TOP1: variants seen among roughly 807,000 people sequenced by gnomAD.
TOP1 encodes DNA topoisomerase 1.
TOP1 carries 10 observed loss-of-function variants against 111.1 expected under a neutral mutation model. That is an observed-to-expected ratio of 0.09 (90% confidence interval 0.06 to 0.15). The LOEUF is 0.15. Ranked by LOEUF, TOP1 falls within the 10% of genes least tolerant of loss-of-function variation. The probability of loss-of-function intolerance (pLI) is 1.00; values close to 1 mark genes in which losing one functional copy is unlikely to be tolerated. For missense variants in TOP1, 474 were observed against 926.7 expected, an observed-to-expected ratio of 0.51 and a Z score of 6.34; for synonymous variants, 271 against 302.9, an observed-to-expected ratio of 0.89 and a Z score of 1.10.
intron 13 of TOP1, among the ~76,000 whole-genome samples, chr20:41,107,371 T>C (rs995529022): frequency 6.6e-5 from 10 of 152,202 alleles, no homozygotes; most frequent in Non-Finnish European, 1.2e-4. Context: ...GACATCTTTT[T>C]TAAACTATAT....
chr20:41,064,161 A>C (rs530483169), intron 3 of TOP1, among the ~76,000 whole-genome samples: 4 of 152,292 alleles, frequency 2.6e-5, no homozygotes, highest in African/African-American at 9.6e-5. Context: ...CATTTATTGA[A>C]TAGGGAGTCT....
chr20:41,049,041 G>A (rs1394845085), intron 2 of TOP1, among the ~76,000 whole-genome samples: 2 of 152,300 alleles, frequency 1.3e-5, no homozygotes, highest in East Asian at 1.9e-4. Flanking sequence ...ATTTAAATGC[G>A]GAAGTGGCCT....
At chr20:41,053,850 C>G (rs1568677235) in intron 2 of TOP1, among the ~76,000 whole-genome samples, 1 of 152,076 alleles carries the variant, frequency 6.6e-6, no homozygotes, top group Non-Finnish European at 1.5e-5. Context: ...ACTTATTTCT[C>G]TAGATACACC....
At chr20:41,068,116 A>C (rs2047166877) in intron 3 of TOP1, among the ~76,000 whole-genome samples, 1 of 152,236 alleles carries the variant, frequency 6.6e-6, no homozygotes, top group Non-Finnish European at 1.5e-5. Flanking sequence ...GTTTAAATAC[A>C]AGCACCCCTT....
At chr20:41,056,260 C>T (rs565952868) in intron 2 of TOP1, among the ~76,000 whole-genome samples, 14 of 152,116 alleles carry the variant, frequency 9.2e-5, no homozygotes, top group African/African-American at 1.4e-4. Flanking sequence ...ATGCTTTTGG[C>T]GTTCAGAAGG....
chr20:41,063,931 A>G (rs2033576406), intron 3 of TOP1, among the ~76,000 whole-genome samples: 2 of 151,348 alleles, frequency 1.3e-5, no homozygotes, highest in South Asian at 4.2e-4. Context: ...CCATTTGTCA[A>G]TTTTTGCTTT....
chr20:41,076,057 TGTTTGTTTAAGTACTGTAA>T, intron 3 of TOP1, 95 bp from the exon 4 acceptor site: 1 of 1,072,924 alleles, frequency 9.3e-7, no homozygotes, highest in Non-Finnish European at 1.3e-6. Flanking sequence ...CTGTCGGTAC[TGTTTGTTTAAGTACTGTAA>T]GTTTCCACGG....
chr20:41,061,553 C>CCCA lies in TOP1; in HGVS notation c.155+64_155+65insCAC. The stretch of plus-strand genomic sequence containing the variant: ...AGTGGGTTGGCCATTGCTTGGCTTA[C>CCCA]CTGGAATAGGTCTTAACTTGAGCTA... On this transcript the variant is annotated intron_variant, in intron 3 of 20. Transcript: ENST00000361337. The surrounding 1 kb of genome is among the most constrained non-coding windows in gnomAD (Gnocchi z 4.6). The CCCA allele has an allele frequency of 7.2e-7, 1 of 1,388,730 alleles. No individual in the cohort carries two copies. The highest frequency in any genetic ancestry group is 1.4e-5 in the African/African-American group (1 of 69,690). The allele number at this position is 1,388,730 out of a possible 1,614,324, so 86.0% of individuals were successfully genotyped here.
intron 2 of TOP1, among the ~76,000 whole-genome samples, chr20:41,036,286 T>C (rs1327767440): frequency 6.6e-6 from 1 of 152,112 alleles, no homozygotes; most frequent in Non-Finnish European, 1.5e-5. Context: ...GCTTGGACCC[T>C]TTGTATGTGG....
Position 41,098,384 on chromosome 20 carries a change from T to G in TOP1, c.975+47T>G. Reference sequence around the variant, plus strand: ...CTCTGGAGAATTCTGGAATTGTGATTGGTTCATTTAACTTTCTTCTTGGTT... The same window carrying G: ...CTCTGGAGAATTCTGGAATTGTGATGGGTTCATTTAACTTTCTTCTTGGTT... On this transcript the variant is annotated intron_variant, in intron 11 of 20. Coordinates refer to ENST00000361337, the MANE Select transcript of TOP1 (RefSeq NM_003286.4). This position sits in a 1 kb window ranked among gnomAD's most constrained non-coding sequence, Gnocchi z 5.7. 2 of 1,591,428 alleles carry G rather than the reference T, an allele frequency of 1.3e-6. No individual in the cohort carries two copies. Among genetic ancestry groups the G allele is most frequent in the South Asian group, 1.1e-5 (1 of 87,708 alleles).
intron 2 of TOP1, among the ~76,000 whole-genome samples, chr20:41,037,230 A>G (rs936554253): frequency 2.0e-5 from 3 of 152,182 alleles, no homozygotes; most frequent in African/African-American, 7.2e-5. Flanking sequence ...AAGTCTATTG[A>G]TGTGACTAAT....
intron 3 of TOP1, among the ~76,000 whole-genome samples, chr20:41,062,903 TTTCTC>T (rs2033562939): frequency 6.6e-6 from 1 of 152,186 alleles, no homozygotes; most frequent in Non-Finnish European, 1.5e-5. Context: ...ATATTAGAAT[TTTCTC>T]TTTTCTTTCT....
intron 7 of TOP1, 136 bp from the exon 8 acceptor site, chr20:41,084,326 A>G (rs2033822326): frequency 2.2e-6 from 1 of 451,674 alleles, no homozygotes; most frequent in Admixed American, 3.6e-5. Flanking sequence ...CATCTGTCAA[A>G]TGAGAGGAGT....
Position 41,083,957 on chromosome 20 carries a change from T to G in TOP1, c.508-505T>G, listed in dbSNP as rs1333583709. ...GTCATTTTAGAACCTATCAAATACT[T>G]GCTTACTGCATCATGACTTTGTGTA... On this transcript the variant is annotated intron_variant, in intron 7 of 20. Coordinates refer to ENST00000361337, the MANE Select transcript of TOP1 (RefSeq NM_003286.4). This position sits in a 1 kb window ranked among gnomAD's most constrained non-coding sequence, Gnocchi z 7.2. 6.6e-6 allele frequency among the ~76,000 whole-genome samples: 1 copy of G among 152,158 alleles called. No individual in the cohort carries two copies. The highest frequency in any genetic ancestry group is 1.5e-5 in the Non-Finnish European group (1 of 68,014).
In TOP1 at chr20:41,083,059, GTTTT is replaced by G. The variant is rs543041710; in HGVS notation, c.508-1399_508-1396del. On this transcript the variant is annotated intron_variant, in intron 7 of 20. Coordinates refer to ENST00000361337, the MANE Select transcript of TOP1 (RefSeq NM_003286.4). The surrounding 1 kb of genome is among the most constrained non-coding windows in gnomAD (Gnocchi z 7.2). ...CATTAAACCTCACTCGCCAACTATAGTTTTTTTGTTTTTTGTTTTTTTCTCTTGT... is the reference window on the plus strand; with the variant it reads ...CATTAAACCTCACTCGCCAACTATAGTTTGTTTTTTGTTTTTTTCTCTTGT... 2.0e-5 allele frequency among the ~76,000 whole-genome samples: 3 copies of G among 152,026 alleles called. No individual in the cohort carries two copies.
In TOP1 at chr20:41,061,320, A is replaced by C; in HGVS notation, c.59-74A>C. ...TTGAATCCTGTCATTGTACTTCTTG[A>C]CCAGCTTGTCAAGGTAGGCATACAG... is the stretch of plus-strand genomic sequence containing the variant. On this transcript the variant is annotated intron_variant, in intron 2 of 20. Transcript: ENST00000361337. This position sits in a 1 kb window ranked among gnomAD's most constrained non-coding sequence, Gnocchi z 4.6. 1.4e-6 allele frequency: 2 copies of C among 1,408,762 alleles called. No homozygotes were observed. Among genetic ancestry groups the C allele is most frequent in the Non-Finnish European group, 2.0e-6 (2 of 1,008,000 alleles). The allele number at this position is 1,408,762 out of a possible 1,614,324, so 87.3% of individuals were successfully genotyped here. A position where few individuals can be genotyped will look rare whatever the true frequency, so the allele number is the denominator to read the frequency against.
intron 2 of TOP1, among the ~76,000 whole-genome samples, chr20:41,055,340 A>G (rs2033457337): frequency 6.6e-6 from 1 of 152,268 alleles, no homozygotes; most frequent in Non-Finnish European, 1.5e-5. Context: ...AACATTTTAA[A>G]TAACACTAGT....
intron 3 of TOP1, among the ~76,000 whole-genome samples, chr20:41,065,355 A>G (rs984802808): frequency 2.0e-5 from 3 of 152,176 alleles, no homozygotes; most frequent in Non-Finnish European, 2.9e-5. Flanking sequence ...TTAATCTTCT[A>G]TAGGATAGTT....
At position 41,100,312 on chromosome 20, in the gene TOP1, T is replaced by TA; in HGVS notation, c.1163+69_1163+70insA. 7.5e-7 allele frequency: 1 copy of TA among 1,326,102 alleles called. No homozygotes were observed. The highest frequency in any genetic ancestry group is 1.1e-6 in the Non-Finnish European group (1 of 949,322). The allele number at this position is 1,326,102 out of a possible 1,614,324, so 82.1% of individuals were successfully genotyped here. On this transcript the variant is annotated intron_variant, in intron 12 of 20. Coordinates refer to ENST00000361337, the MANE Select transcript of TOP1 (RefSeq NM_003286.4). The surrounding 1 kb of genome is among the most constrained non-coding windows in gnomAD (Gnocchi z 4.4). ...GCGTCCTTTATTGTACTTGGGAATA[T>TA]TTCCCAGGTTACACAGGACTGTTTG... is the stretch of plus-strand genomic sequence containing the variant.
Sources: gnomAD v4.1 joint callset for allele counts (sites outside exome capture counted in the v4.1 genomes callset) on GRCh38, gnomAD v4.1.1 for gene constraint, Gnocchi (gnomAD v3.1) non-coding constraint, MANE v1.5 for transcripts, NCBI Gene and HGNC (gene_info 2026-07-23, HGNC 2026-07-21) for gene names.